MACROD2: variants seen among roughly 807,000 people sequenced by gnomAD.
MACROD2 encodes the protein ADP-ribose glycohydrolase MACROD2.
In MACROD2, 36 loss-of-function variants were observed where a neutral mutation model predicts 70.4. That is an observed-to-expected ratio of 0.51 (90% CI 0.39 to 0.68). MACROD2 has a LOEUF of 0.68. Ranked by LOEUF, MACROD2 falls within the 30% of genes least tolerant of loss-of-function variation. MACROD2 has a pLI of 0.00. For missense variants in MACROD2, 496 were observed against 538.4 expected (o/e 0.92, Z 0.78); for synonymous variants, 172 against 178.8 (o/e 0.96, Z 0.30).
intron 4 of MACROD2, among the ~76,000 whole-genome samples, chr20:14,629,931 T>A (rs1171443517): frequency 1.3e-5 from 2 of 151,890 alleles, no homozygotes; most frequent in Non-Finnish European, 2.9e-5. Flanking sequence ...ATTAGCTAAC[T>A]CAGATCCTAT....
chr20:15,895,730 C>T (rs969707415), intron 10 of MACROD2, among the ~76,000 whole-genome samples: 3 of 152,182 alleles, frequency 2.0e-5, no homozygotes, highest in Admixed American at 6.5e-5. Flanking sequence ...GGGCCTCCAT[C>T]CCTTGTACAG....
At chr20:14,965,023 A>T (rs1382842375) in intron 5 of MACROD2, among the ~76,000 whole-genome samples, 1 of 152,208 alleles carries the variant, frequency 6.6e-6, no homozygotes, top group East Asian at 1.9e-4. Context: ...CAGAAAGATC[A>T]TTTTTCTGAA....
At chr20:14,474,402 A>G (rs768659670) in intron 3 of MACROD2, among the ~76,000 whole-genome samples, 61 of 152,286 alleles carry the variant, frequency 4.0e-4, no homozygotes, top group Non-Finnish European at 6.9e-4. Flanking sequence ...CATGTGGTCT[A>G]TCCTGGAAAA....
intron 5 of MACROD2, among the ~76,000 whole-genome samples, chr20:14,712,157 A>G (rs1027355701): frequency 1.3e-5 from 2 of 152,190 alleles, no homozygotes; most frequent in African/African-American, 4.8e-5. Context: ...CACACAAATC[A>G]GTTAAAAAAT....
chr20:14,766,568 A>G (rs527393844), intron 5 of MACROD2, among the ~76,000 whole-genome samples: 34 of 152,300 alleles, frequency 2.2e-4, no homozygotes, highest in African/African-American at 7.7e-4. Flanking sequence ...AATTGTATGG[A>G]CAATATCTGG....
At chr20:15,625,737 A>G (rs1335881825) in intron 8 of MACROD2, among the ~76,000 whole-genome samples, 2 of 152,072 alleles carry the variant, frequency 1.3e-5, no homozygotes, top group East Asian at 1.9e-4. Flanking sequence ...TAGGCTGCAC[A>G]TGGGTCTTGG....
At chr20:14,752,872 A>C (rs1344575447) in intron 5 of MACROD2, among the ~76,000 whole-genome samples, 1 of 152,156 alleles carries the variant, frequency 6.6e-6, no homozygotes, top group Non-Finnish European at 1.5e-5. Context: ...AGCAAAAGCC[A>C]TTGTAAGAGT....
At chr20:14,552,440 G>C (rs1372253825) in intron 4 of MACROD2, among the ~76,000 whole-genome samples, 2 of 150,904 alleles carry the variant, frequency 1.3e-5, no homozygotes, top group African/African-American at 4.9e-5. Context: ...AGTGCACATG[G>C]AAGAACAAAA....
chr20:14,507,421 A>G (rs867065386), intron 4 of MACROD2, among the ~76,000 whole-genome samples: 19 of 152,210 alleles, frequency 1.2e-4, no homozygotes, highest in South Asian at 4.1e-4. Context: ...AACGAATACA[A>G]GGTTTCTGTT....
chr20:14,576,896 A>C lies in MACROD2; in HGVS notation c.301+83388A>C, dbSNP rs565990223. 2.0e-5 allele frequency among the ~76,000 whole-genome samples: 3 copies of C among 152,370 alleles called. No homozygotes were observed. In the South Asian group the frequency reaches 6.2e-4, roughly 32 times the overall value. On this transcript the variant is annotated intron_variant, in intron 4 of 17. Transcript: ENST00000684519. ...GTAATTACAGGATTTATTTGAACCTATCTTTAGTAAAGTTTGTTACTCAAA... is the reference window on the plus strand; with the variant it reads ...GTAATTACAGGATTTATTTGAACCTCTCTTTAGTAAAGTTTGTTACTCAAA...
intron 5 of MACROD2, among the ~76,000 whole-genome samples, chr20:14,858,078 T>C (rs7260884): frequency 0.028 from 4,318 of 152,084 alleles, 205 homozygotes; most frequent in African/African-American, 0.098. Flanking sequence ...GCCTCCGCCC[T>C]CCAAAGTGCT....
At position 15,194,153 on chromosome 20, in the gene MACROD2, G is replaced by A. The variant is rs1186408450; in HGVS notation, c.419-35787G>A. Reference sequence around the variant, plus strand: ...CCCTGCTACTTGGGAGGCTGAGGCAGGAGAATTGCTTGAACCCAGGAGGCA... The same window carrying A: ...CCCTGCTACTTGGGAGGCTGAGGCAAGAGAATTGCTTGAACCCAGGAGGCA... On this transcript the variant is annotated intron_variant, in intron 5 of 17. Transcript: ENST00000684519. Among the ~76,000 whole-genome samples, 5 of 143,708 alleles carry A rather than the reference G, an allele frequency of 3.5e-5. No individual in the cohort carries two copies. In the East Asian group the frequency reaches 1.1e-3, roughly 32 times the overall value. 94.3% of individuals were successfully genotyped at this position (143,708 alleles called of 152,430 possible).
At chr20:14,790,654 T>A (rs2072439826) in intron 5 of MACROD2, among the ~76,000 whole-genome samples, 1 of 152,074 alleles carries the variant, frequency 6.6e-6, no homozygotes, top group Admixed American at 6.6e-5. Flanking sequence ...CTGTTATGCA[T>A]CCCCTTACCT....
chr20:14,306,488 G>A (rs1709134787), intron 3 of MACROD2, among the ~76,000 whole-genome samples: 1 of 152,050 alleles, frequency 6.6e-6, no homozygotes, highest in Admixed American at 6.6e-5. Flanking sequence ...TCTAGTCCTG[G>A]AGGATATAAT....
At chr20:14,204,428 G>A (rs998340438) in intron 3 of MACROD2, among the ~76,000 whole-genome samples, 1 of 152,080 alleles carries the variant, frequency 6.6e-6, no homozygotes, top group Admixed American at 6.5e-5. Flanking sequence ...GACGTAGTCT[G>A]GTGGGGGCTG....
At chr20:14,193,917 G>A (rs1012352938) in intron 3 of MACROD2, among the ~76,000 whole-genome samples, 1 of 152,096 alleles carries the variant, frequency 6.6e-6, no homozygotes, top group African/African-American at 2.4e-5. Context: ...TTATAATAGG[G>A]AAATATATTG....
chr20:15,237,488 A>G (rs569891365), intron 6 of MACROD2, among the ~76,000 whole-genome samples: 2 of 151,940 alleles, frequency 1.3e-5, no homozygotes, highest in South Asian at 2.1e-4. Flanking sequence ...AATCATTTTC[A>G]TATCACACTT....
chr20:15,494,606 A>G (rs2047270864), intron 7 of MACROD2, among the ~76,000 whole-genome samples: 1 of 152,178 alleles, frequency 6.6e-6, no homozygotes, highest in Non-Finnish European at 1.5e-5. Context: ...TGTGGAGTAT[A>G]AAAACAGACA....
intron 4 of MACROD2, among the ~76,000 whole-genome samples, chr20:14,596,336 C>T (rs1326456659): frequency 2.0e-5 from 3 of 150,922 alleles, no homozygotes; most frequent in East Asian, 3.9e-4. Flanking sequence ...GTGATCCTCC[C>T]GCCTCGGCCT....
Sources: gnomAD v4.1 joint callset for allele counts (sites outside exome capture counted in the v4.1 genomes callset) on GRCh38, gnomAD v4.1.1 for gene constraint, MANE v1.5 for transcripts, NCBI Gene and HGNC (gene_info 2026-07-23, HGNC 2026-07-21) for gene names.